The following CDH18 variants were observed in gnomAD, a reference collection of about 807,000 sequenced individuals.
CDH18 encodes the protein cadherin 18, also known as cadherin-18.
Under a neutral mutation model 67.9 loss-of-function variants are expected in CDH18, and 31 were observed. The ratio of observed to expected loss-of-function variants is 0.46; its 90% CI spans 0.34 to 0.62. The LOEUF is 0.62. Among genes scored for constraint, CDH18 ranks in the 20% least tolerant of loss-of-function variants. The pLI is 0.01. For synonymous variants in CDH18, 362 were observed against 347.2 expected (o/e 1.04, Z -0.48); for missense variants, 890 against 975.5 (o/e 0.91, Z 1.17).
At chr5:19,807,291 C>T (rs1027827305) in intron 3 of CDH18, among the ~76,000 whole-genome samples, 7 of 151,944 alleles carry the variant, frequency 4.6e-5, no homozygotes, top group African/African-American at 1.7e-4. Context: ...TGTAACAAAC[C>T]TGCAGATCCT....
At chr5:20,022,622 G>A (rs2150435991) in intron 2 of CDH18, among the ~76,000 whole-genome samples, 1 of 152,106 alleles carries the variant, frequency 6.6e-6, no homozygotes, top group Non-Finnish European at 1.5e-5. Context: ...CGATATTATG[G>A]TTTAAAAGAA....
At chr5:20,196,020 A>G (rs1738945143) in intron 2 of CDH18, among the ~76,000 whole-genome samples, 1 of 152,162 alleles carries the variant, frequency 6.6e-6, no homozygotes, top group African/African-American at 2.4e-5. Context: ...GAGAGATTGA[A>G]TATTTAGCAT....
intron 1 of CDH18, among the ~76,000 whole-genome samples, chr5:20,482,702 A>G (rs1752900861): frequency 6.6e-6 from 1 of 152,132 alleles, no homozygotes; most frequent in Admixed American, 6.6e-5. Flanking sequence ...ATGCTGAAAA[A>G]GCATTTGATA....
At chr5:20,450,604 C>T (rs1226278444) in intron 1 of CDH18, among the ~76,000 whole-genome samples, 1 of 152,100 alleles carries the variant, frequency 6.6e-6, no homozygotes, top group Non-Finnish European at 1.5e-5. Context: ...GACACACATA[C>T]TGAAGCAATT....
chr5:20,446,679 C>T (rs763479549), intron 1 of CDH18, among the ~76,000 whole-genome samples: 13 of 152,148 alleles, frequency 8.5e-5, no homozygotes, highest in East Asian at 1.9e-4. Context: ...TATTTCCTAA[C>T]GATGCATTTT....
chr5:19,591,072 G>T lies in CDH18; in HGVS notation c.984C>A (p.Ile328=), dbSNP rs909585998. ...TTCTTTTTACCTTCTTTAAAGAAAG[G>T]ATTCCTTCTCTGGTCTCTTTGTCAG... ...ISTDKETREG[I]LSLKKPLNYE... is the part of the protein sequence containing the mutation. The change falls in exon 7 of 13, where the codon ATC becomes ATA. Residue 328 remains isoleucine, a synonymous_variant. Transcript: ENST00000382275. 2 of 1,584,782 alleles carry T rather than the reference G, an allele frequency of 1.3e-6. No homozygotes were observed.
At chr5:20,227,757 G>A (rs1741746707) in intron 2 of CDH18, among the ~76,000 whole-genome samples, 1 of 151,802 alleles carries the variant, frequency 6.6e-6, no homozygotes, top group African/African-American at 2.4e-5. Flanking sequence ...CAGAGTGCTG[G>A]GATTACAGGG....
chr5:20,538,606 T>A (rs957052094), intron 1 of CDH18, among the ~76,000 whole-genome samples: 2 of 152,130 alleles, frequency 1.3e-5, no homozygotes, highest in South Asian at 2.1e-4. Context: ...GGCATGCAAC[T>A]ACAACCTGTA....
chr5:20,295,714 G>A (rs1228148284), intron 1 of CDH18, among the ~76,000 whole-genome samples: 1 of 150,564 alleles, frequency 6.6e-6, no homozygotes, highest in Non-Finnish European at 1.5e-5. Flanking sequence ...GCGACAGGTC[G>A]AGACTCTGTC....
At chr5:19,651,225 T>C (rs1755526514) in intron 5 of CDH18, among the ~76,000 whole-genome samples, 1 of 152,002 alleles carries the variant, frequency 6.6e-6, no homozygotes, top group South Asian at 2.1e-4. Flanking sequence ...ACATGATCTC[T>C]TCAGTATGTG....
chr5:19,839,584 C>A (rs534159638), intron 2 of CDH18, among the ~76,000 whole-genome samples: 26 of 152,024 alleles, frequency 1.7e-4, no homozygotes, highest in African/African-American at 6.0e-4. Context: ...TGTCACAGAC[C>A]ATAACAGCAA....
intron 4 of CDH18, among the ~76,000 whole-genome samples, chr5:19,740,720 A>G (rs1237909243): frequency 6.6e-6 from 1 of 152,162 alleles, no homozygotes; most frequent in Non-Finnish European, 1.5e-5. Flanking sequence ...CAGCTAACTC[A>G]AAAACCAAGT....
At chr5:20,255,342 C>T (rs1326798067) in intron 2 of CDH18, 1 of 151,998 alleles carries the variant, frequency 6.6e-6, no homozygotes, top group Non-Finnish European at 1.5e-5. Context: ...ATTATGACAA[C>T]AATTTTGACA....
In CDH18 at chr5:20,271,924, C is replaced by CAGAGAGAGAGAGAGAGAGAGAG. The variant is rs201955881; in HGVS notation, c.-579-16441_-579-16420dup. On this transcript the variant is annotated intron_variant, in intron 1 of 14. Transcript: ENST00000507958. ...ACATCTGCCACTTGCTGTAGAGAGG[C>CAGAGAGAGAGAGAGAGAGAGAG]AGAGAGAGAGAGAGAGAGAGAGAGA... 8.9e-5 allele frequency among the ~76,000 whole-genome samples: 13 copies of CAGAGAGAGAGAGAGAGAGAGAG among 146,644 alleles called. No individual in the cohort carries two copies. In the East Asian group the frequency reaches 1.2e-3, roughly 14 times the overall value.
intron 1 of CDH18, among the ~76,000 whole-genome samples, chr5:20,457,576 C>T (rs190905692): frequency 7.2e-5 from 11 of 152,008 alleles, no homozygotes; most frequent in East Asian, 1.9e-4. Context: ...CTTCTTTTTC[C>T]GAGAAGAGGT....
intron 3 of CDH18, among the ~76,000 whole-genome samples, chr5:19,823,126 T>C (rs1468654440): frequency 6.6e-6 from 1 of 152,208 alleles, no homozygotes; most frequent in East Asian, 1.9e-4. Context: ...TCCCTGAACA[T>C]TGCTGTTAAC....
chr5:19,681,448 CTTTA>C (rs1469342227), intron 5 of CDH18, among the ~76,000 whole-genome samples: 4 of 152,088 alleles, frequency 2.6e-5, no homozygotes, highest in East Asian at 3.9e-4. Flanking sequence ...ATGCAGTCCT[CTTTA>C]TTTATTATTT....
At chr5:19,917,726 G>A (rs1016381748) in intron 2 of CDH18, among the ~76,000 whole-genome samples, 4 of 152,140 alleles carry the variant, frequency 2.6e-5, no homozygotes, top group Non-Finnish European at 5.9e-5. Flanking sequence ...CAAAGGTAGA[G>A]CATTGCATTA....
chr5:20,271,887 G>A (rs1054490676), intron 1 of CDH18, among the ~76,000 whole-genome samples: 2 of 151,142 alleles, frequency 1.3e-5, no homozygotes, highest in Non-Finnish European at 2.9e-5. Flanking sequence ...TATTTAGAGA[G>A]GAAGTTTTAT....
Sources: allele counts gnomAD v4.1 joint callset (sites outside exome capture counted in the v4.1 genomes callset), GRCh38; gene constraint gnomAD v4.1.1; transcripts MANE v1.5; gene names NCBI Gene and HGNC (gene_info 2026-07-23, HGNC 2026-07-21).